Variants in EFCC1 observed in about 807,000 individuals in gnomAD.
The protein encoded by EFCC1 is EF-hand and coiled-coil domain containing 1.
In EFCC1, 50 loss-of-function variants were observed where a neutral mutation model predicts 52.1. The observed-to-expected ratio is 0.96, with a 90% CI of 0.76 to 1.21. The LOEUF (loss-of-function observed/expected upper bound fraction) is 1.21, where lower values mean the gene tolerates loss of function less well. EFCC1 is among the 50% of genes most tolerant of loss of function. EFCC1 has a pLI of 0.00. For missense variants in EFCC1, 837 were observed against 867.3 expected (o/e 0.97, Z 0.44); for synonymous variants, 399 against 396.5 (o/e 1.01, Z -0.08).
chr3:129,028,595 T>G (rs1946197271), intron 2 of EFCC1, among the ~76,000 whole-genome samples: 1 of 151,942 alleles, frequency 6.6e-6, no homozygotes, highest in Non-Finnish European at 1.5e-5. Flanking sequence ...ATGAGGAGGG[T>G]CCCTTTTGCA....
At chr3:129,004,392 C>G (rs1382560656) in intron 2 of EFCC1, among the ~76,000 whole-genome samples, 1 of 133,878 alleles carries the variant, frequency 7.5e-6, no homozygotes, top group Non-Finnish European at 1.6e-5. Context: ...CCCATCCATC[C>G]ACTCACCCAT....
At chr3:129,022,052 C>G (rs1945871371) in intron 2 of EFCC1, among the ~76,000 whole-genome samples, 1 of 152,178 alleles carries the variant, frequency 6.6e-6, no homozygotes, top group African/African-American at 2.4e-5. Flanking sequence ...CTCACAGCAC[C>G]CAGAACTCAC....
Position 129,012,425 on chromosome 3 carries a change from G to A in EFCC1, c.980+8348G>A, listed in dbSNP as rs113003437. The stretch of plus-strand genomic sequence containing the variant: ...GCACTCTCCATCCACCTGTATCTCT[G>A]CTTGTCCCTGCCTGGTTCTACTCGC... On this transcript the variant is annotated intron_variant, in intron 2 of 7. Coordinates refer to ENST00000683648, the MANE Select transcript of EFCC1 (RefSeq NM_001377500.1). 8.8e-3 allele frequency among the ~76,000 whole-genome samples: 1,337 copies of A among 152,132 alleles called. 21 individuals carry two copies. Among genetic ancestry groups the A allele is most frequent in the African/African-American group, 0.03 (1,258 of 41,502 alleles).
intron 2 of EFCC1, among the ~76,000 whole-genome samples, chr3:129,020,124 C>T (rs1169781075): frequency 6.6e-6 from 1 of 151,936 alleles, no homozygotes; most frequent in Non-Finnish European, 1.5e-5. Context: ...ACGATGCAGG[C>T]CAGATTAAAA....
chr3:129,003,345 A>G (rs922157618), intron 1 of EFCC1: 8 of 939,498 alleles, frequency 8.5e-6, no homozygotes, highest in African/African-American at 5.3e-5. Flanking sequence ...GGAACACACC[A>G]GTAAAGACAG....
chr3:129,027,685 G>T (rs547739027), intron 2 of EFCC1, among the ~76,000 whole-genome samples: 1 of 152,226 alleles, frequency 6.6e-6, no homozygotes, highest in East Asian at 1.9e-4. Flanking sequence ...GGCGGGTGCG[G>T]TGGTCCACGC....
chr3:129,004,179 C>T, intron 2 of EFCC1, 102 bp downstream of exon 2: 3 of 1,279,500 alleles, frequency 2.3e-6, no homozygotes, highest in Non-Finnish European at 3.0e-6. Flanking sequence ...TCGTGTTCCG[C>T]AGTTTCTCCA....
At chr3:129,005,526 G>A (rs1255674907) in intron 2 of EFCC1, among the ~76,000 whole-genome samples, 5 of 152,240 alleles carry the variant, frequency 3.3e-5, no homozygotes, top group Non-Finnish European at 5.9e-5. Flanking sequence ...AAGTAAGGAG[G>A]TGACAGAAGC....
In EFCC1 at chr3:129,032,222, G is replaced by A. The variant is rs140569533; in HGVS notation, c.1139-597G>A. On this transcript the variant is annotated intron_variant, in intron 3 of 7. Transcript: ENST00000683648. ...TGAAAATCTGTCCATCCTGGTGCCT[G>A]TACCGTGAGGAGCCCACCCCAGCTC... 7.6e-4 allele frequency among the ~76,000 whole-genome samples: 115 copies of A among 152,304 alleles called. 1 individual carries two copies. Among genetic ancestry groups the A allele is most frequent in the Middle Eastern group, 3.4e-3 (1 of 294 alleles).
At chr3:129,038,713 G>A (rs2107943078) in intron 6 of EFCC1, 118 bp from the exon 7 acceptor site, 2 of 948,184 alleles carry the variant, frequency 2.1e-6, no homozygotes, top group Non-Finnish European at 1.7e-6. Flanking sequence ...GGGTGGGGGA[G>A]GAGCTTTATC....
chr3:129,021,252 C>T (rs1213261508), intron 2 of EFCC1, among the ~76,000 whole-genome samples: 1 of 152,194 alleles, frequency 6.6e-6, no homozygotes, highest in Non-Finnish European at 1.5e-5. Flanking sequence ...CCACCTCTGT[C>T]TTATATATAA....
Position 129,040,129 on chromosome 3 carries a change from T to C in EFCC1, c.*281T>C. ...TGCAGTTGCTGGATCAGCCTGCACC[T>C]GATGCTGTATCTTTCCCCTGCCCTC... On this transcript the variant is annotated 3_prime_UTR_variant, in exon 8 of 8. Transcript: ENST00000683648. The surrounding 1 kb of genome is among the most constrained non-coding windows in gnomAD (Gnocchi z 4.4). 1 of 389,174 alleles carries C rather than the reference T, an allele frequency of 2.6e-6. No individual in the cohort carries two copies. The highest frequency in any genetic ancestry group is 4.6e-6 in the Non-Finnish European group (1 of 218,930). The allele number at this position is 389,174 out of a possible 1,614,324, so 24.1% of individuals were successfully genotyped here.
At position 129,001,962 on chromosome 3, in the gene EFCC1, G is replaced by A. The variant is rs1278665166; in HGVS notation, c.334G>A (p.Asp112Asn). 1 of 1,544,560 alleles carries A rather than the reference G, an allele frequency of 6.5e-7. No homozygotes were observed. The change falls in exon 1 of 8, where the codon GAT (aspartate) becomes AAT (asparagine). Residue 112 changes from aspartate to asparagine, a missense_variant. Asp to Asn is a conservative substitution (Grantham distance 23, BLOSUM62 1). Transcript: ENST00000683648. The stretch of plus-strand genomic sequence containing the variant: ...GAACTCCAGAGATGTGACCCCCGGG[G>A]ATGCGGCCGCTGAGTTGGCCACGGA... Reference protein sequence around the residue: ...DGNSRDVTPGDAAAELATDGD... With the variant: ...DGNSRDVTPGNAAAELATDGD...
intron 1 of EFCC1, chr3:129,002,540 C>A: frequency 3.2e-6 from 3 of 936,122 alleles, no homozygotes; most frequent in Non-Finnish European, 4.4e-6. Flanking sequence ...CTATTCCATT[C>A]CTGAAAACCC....
chr3:129,038,758 C>T, intron 6 of EFCC1, 73 bp from the exon 7 acceptor site: 1 of 1,480,686 alleles, frequency 6.8e-7, no homozygotes. Context: ...CCCGTAGGGG[C>T]CACCAGTTCC....
At chr3:129,006,605 T>C (rs996892602) in intron 2 of EFCC1, among the ~76,000 whole-genome samples, 8 of 152,178 alleles carry the variant, frequency 5.3e-5, no homozygotes, top group African/African-American at 1.9e-4. Flanking sequence ...TGTGAGCCAC[T>C]GTGCCCGGCC....
intron 2 of EFCC1, among the ~76,000 whole-genome samples, chr3:129,024,559 A>T (rs929488211): frequency 2.6e-5 from 4 of 151,972 alleles, no homozygotes; most frequent in African/African-American, 9.7e-5. Flanking sequence ...AAAGAAAAAG[A>T]AAAACAGAAA....
chr3:129,004,506 C>T (rs1401424746), intron 2 of EFCC1, among the ~76,000 whole-genome samples: 1 of 146,476 alleles, frequency 6.8e-6, no homozygotes, highest in East Asian at 2.0e-4. Flanking sequence ...CACTCACCCA[C>T]CCACCCATCC....
rs1455501292 is a variant in EFCC1, at chr3:129,010,181, G to C, written c.980+6104G>C. Among the ~76,000 whole-genome samples the C allele has an allele frequency of 6.6e-6, 1 of 152,358 alleles. No individual in the cohort carries two copies. Among genetic ancestry groups the C allele is most frequent in the South Asian group, 2.1e-4 (1 of 4,824 alleles). ...TCCAGTGGCCTTGTCCTGCCTTGAGGGGTCCCCCTTCAGTCCTCAGTAGAA... is the reference window on the plus strand; with the variant it reads ...TCCAGTGGCCTTGTCCTGCCTTGAGCGGTCCCCCTTCAGTCCTCAGTAGAA... On this transcript the variant is annotated intron_variant, in intron 2 of 7. Coordinates refer to ENST00000683648, the MANE Select transcript of EFCC1 (RefSeq NM_001377500.1). This position sits in a 1 kb window ranked among gnomAD's most constrained non-coding sequence, Gnocchi z 4.3.
Sources: gnomAD v4.1 joint callset for allele counts (sites outside exome capture counted in the v4.1 genomes callset) on GRCh38, gnomAD v4.1.1 for gene constraint, Gnocchi (gnomAD v3.1) non-coding constraint, MANE v1.5 for transcripts, NCBI Gene and HGNC (gene_info 2026-07-23, HGNC 2026-07-21) for gene names.